The following PYGB variants were observed in gnomAD, a reference collection of about 807,000 sequenced individuals.
The protein encoded by PYGB is glycogen phosphorylase B, also known as glycogen phosphorylase, brain form.
Under a neutral mutation model 94.3 loss-of-function variants are expected in PYGB, and 82 were observed. The ratio of observed to expected loss-of-function variants is 0.87; its 90% CI spans 0.73 to 1.04. The LOEUF (loss-of-function observed/expected upper bound fraction) is 1.04, where lower values mean the gene tolerates loss of function less well. Among genes scored for constraint, PYGB ranks in the 50% least tolerant of loss-of-function variants. The pLI is 0.00. For missense variants in PYGB, 1,132 were observed against 1,158.2 expected (o/e 0.98, Z 0.33); for synonymous variants, 488 against 479.1 (o/e 1.02, Z -0.24).
At chr20:25,253,493 A>T (rs2123508820) in intron 1 of PYGB, among the ~76,000 whole-genome samples, 1 of 151,968 alleles carries the variant, frequency 6.6e-6, no homozygotes. Context: ...CTCTATTAAA[A>T]ATACAAAAAT....
chr20:25,272,541 AAAC>A (rs2088276509), intron 4 of PYGB, among the ~76,000 whole-genome samples: 1 of 152,252 alleles, frequency 6.6e-6, no homozygotes, highest in Non-Finnish European at 1.5e-5. Flanking sequence ...GTGGACGGAG[AAAC>A]AACAGACCAT....
chr20:25,280,502 C>T (rs2088356699), intron 10 of PYGB, 90 bp downstream of exon 10: 2 of 1,495,286 alleles, frequency 1.3e-6, no homozygotes, highest in African/African-American at 2.8e-5. Context: ...GTGCTTTGCT[C>T]CTTGAACGAG....
Position 25,283,241 on chromosome 20 carries a change from C to G in PYGB, c.1584C>G (p.Asp528Glu). ...AGAAGCTGCTGCCGCTGGTCAGTGA[C>G]GAGGTGTTCATCAGGGACGTGGCCA... ...QLKKLLPLVSDEVFIRDVAKV... is the reference protein window; with the variant it reads ...QLKKLLPLVSEEVFIRDVAKV... Residue 528 changes from aspartate to glutamate, a missense_variant, in exon 13 of 20, where the codon GAC (aspartate) becomes GAG (glutamate). Coordinates refer to ENST00000216962, the MANE Select transcript of PYGB (RefSeq NM_002862.4). 1 of 1,613,850 alleles carries G rather than the reference C, an allele frequency of 6.2e-7. No homozygotes were observed. The highest frequency in any genetic ancestry group is 8.5e-7 in the Non-Finnish European group (1 of 1,179,898).
intron 4 of PYGB, among the ~76,000 whole-genome samples, chr20:25,273,792 A>G (rs2088287024): frequency 1.3e-5 from 2 of 152,178 alleles, no homozygotes; most frequent in Admixed American, 1.3e-4. Context: ...CCAGCTGCCA[A>G]CTTGGCCCCA....
At chr20:25,271,732 G>A (rs1568689371) in intron 4 of PYGB, among the ~76,000 whole-genome samples, 2 of 152,180 alleles carry the variant, frequency 1.3e-5, no homozygotes, top group Admixed American at 1.3e-4. Flanking sequence ...GGAAGTTGGG[G>A]CGTGCAGGAC....
intron 17 of PYGB, among the ~76,000 whole-genome samples, chr20:25,293,267 C>CCCT (rs1358156620): frequency 1.3e-5 from 2 of 151,982 alleles, no homozygotes; most frequent in Admixed American, 6.5e-5. Flanking sequence ...AGAGCACTGG[C>CCCT]CCTCCTGCAG....
intron 1 of PYGB, among the ~76,000 whole-genome samples, chr20:25,256,957 T>C (rs1458408126): frequency 6.6e-6 from 1 of 152,202 alleles, no homozygotes; most frequent in Non-Finnish European, 1.5e-5. Context: ...CAGCCTTGCC[T>C]GAGTCCTAGC....
intron 2 of PYGB, among the ~76,000 whole-genome samples, chr20:25,259,807 C>T (rs1426620674): frequency 6.6e-6 from 1 of 152,212 alleles, no homozygotes; most frequent in Non-Finnish European, 1.5e-5. Flanking sequence ...GAGAGTTCTT[C>T]ATTAGCACTT....
At chr20:25,281,962 C>G in intron 11 of PYGB, 71 bp from the exon 12 acceptor site, 3 of 1,334,458 alleles carry the variant, frequency 2.2e-6, no homozygotes, top group Non-Finnish European at 3.2e-6. Flanking sequence ...CTTAAAAGGA[C>G]TTTAAGGTCT....
chr20:25,252,603 T>TG (rs765562253), intron 1 of PYGB, among the ~76,000 whole-genome samples: 27 of 152,214 alleles, frequency 1.8e-4, no homozygotes, highest in Non-Finnish European at 3.7e-4. Context: ...ACACTTCACT[T>TG]GCGTTTACCA....
At chr20:25,248,671 C>T (rs1035316333) in intron 1 of PYGB, among the ~76,000 whole-genome samples, 1 of 152,162 alleles carries the variant, frequency 6.6e-6, no homozygotes, top group African/African-American at 2.4e-5. Flanking sequence ...GTCCGCCGTC[C>T]CCCGCAGATG....
At chr20:25,255,001 T>A (rs911099293) in intron 1 of PYGB, among the ~76,000 whole-genome samples, 1 of 151,964 alleles carries the variant, frequency 6.6e-6, no homozygotes, top group Admixed American at 6.6e-5. Flanking sequence ...GGTACTGGAG[T>A]GAGAAGGAAA....
intron 18 of PYGB, among the ~76,000 whole-genome samples, chr20:25,295,308 T>A (rs1248052455): frequency 6.6e-6 from 1 of 152,272 alleles, no homozygotes; most frequent in Non-Finnish European, 1.5e-5. Context: ...TGTGCAGCTC[T>A]AACTGCCCTG....
At chr20:25,293,603 A>G (rs537310281) in intron 17 of PYGB, among the ~76,000 whole-genome samples, 1 of 152,342 alleles carries the variant, frequency 6.6e-6, no homozygotes, top group South Asian at 2.1e-4. Context: ...CCGAGCACAG[A>G]GGCCTGTGCT....
intron 7 of PYGB, 33 bp from the exon 8 acceptor site, chr20:25,278,286 C>A (rs1448692121): frequency 2.1e-6 from 2 of 973,650 alleles, no homozygotes; most frequent in Admixed American, 2.7e-5. Flanking sequence ...AATGGCCCAG[C>A]CTGCACCCTC....
At chr20:25,289,351 T>C (rs1023627564) in intron 15 of PYGB, among the ~76,000 whole-genome samples, 46 of 152,244 alleles carry the variant, frequency 3.0e-4, no homozygotes, top group African/African-American at 1.0e-3. Context: ...TAAATGTTAT[T>C]ATGAAAATTT....
chr20:25,281,934 G>C (rs778990895), intron 11 of PYGB, 99 bp from the exon 12 acceptor site: 150 of 1,018,868 alleles, frequency 1.5e-4, no homozygotes, highest in Non-Finnish European at 2.1e-4. Context: ...CACTGAGCTT[G>C]AGGGCTCCTG....
Position 25,280,337 on chromosome 20 carries a change from G to T in PYGB, c.1164G>T (p.Trp388Cys). The change falls in exon 10 of 20, where the codon TGG (tryptophan) becomes TGT (cysteine). Residue 388 changes from tryptophan to cysteine, a missense_variant. Physicochemically the swap from Trp to Cys is radical, Grantham distance 215 (BLOSUM62 -2). Coordinates refer to ENST00000216962, the MANE Select transcript of PYGB (RefSeq NM_002862.4). Reference protein sequence around the residue: ...HTVLPEALERWPVSMFEKLLP... With the variant: ...HTVLPEALERCPVSMFEKLLP... Reference sequence around the variant, plus strand: ...TGCTGCCTGAGGCCTTGGAGCGCTGGCCCGTGTCCATGTTTGAGAAGCTGC... The same window carrying T: ...TGCTGCCTGAGGCCTTGGAGCGCTGTCCCGTGTCCATGTTTGAGAAGCTGC... 6.2e-7 allele frequency: 1 copy of T among 1,614,092 alleles called. No homozygotes were observed. Among genetic ancestry groups the T allele is most frequent in the Non-Finnish European group, 8.5e-7 (1 of 1,179,918 alleles).
At chr20:25,296,283 A>G in intron 19 of PYGB, 87 bp from the exon 20 acceptor site, 1 of 1,524,430 alleles carries the variant, frequency 6.6e-7, no homozygotes, top group Non-Finnish European at 9.1e-7. Context: ...GCTCATTTGG[A>G]AACAGTCCTA....
Sources: gnomAD v4.1 joint callset for allele counts (sites outside exome capture counted in the v4.1 genomes callset) on GRCh38, gnomAD v4.1.1 for gene constraint, MANE v1.5 for transcripts, NCBI Gene and HGNC (gene_info 2026-07-23, HGNC 2026-07-21) for gene names.